MAX: variants seen among roughly 807,000 people sequenced by gnomAD.
MAX encodes protein max.
Under a neutral mutation model 22.3 loss-of-function variants are expected in MAX, and 3 were observed. The observed-to-expected ratio is 0.13, with a 90% CI of 0.06 to 0.35. The LOEUF (loss-of-function observed/expected upper bound fraction) is 0.35, where lower values mean the gene tolerates loss of function less well. MAX is among the 10% of genes least tolerant of loss of function. The pLI is 1.00. For missense variants in MAX, 119 were observed against 209.4 expected (o/e 0.57, Z 2.66); for synonymous variants, 72 against 77.7 (o/e 0.93, Z 0.39).
chr14:65,052,480 A>G (rs1318655864), intron 3 of MAX, among the ~76,000 whole-genome samples: 1 of 152,212 alleles, frequency 6.6e-6, no homozygotes, highest in Non-Finnish European at 1.5e-5. Flanking sequence ...ATATATTTTT[A>G]ATCGATTTCT....
At chr14:65,046,067 C>A (rs895252937) in intron 3 of MAX, among the ~76,000 whole-genome samples, 2 of 152,154 alleles carry the variant, frequency 1.3e-5, no homozygotes, top group African/African-American at 2.4e-5. Flanking sequence ...ACCTCTGCCC[C>A]CTGGGTTCAA....
intron 3 of MAX, chr14:65,061,426 G>A (rs1595113538): frequency 2.1e-6 from 3 of 1,462,352 alleles, no homozygotes; most frequent in Non-Finnish European, 2.7e-6. Flanking sequence ...CAGTGGAGCT[G>A]TGGTTCTCTT....
intron 3 of MAX, among the ~76,000 whole-genome samples, chr14:65,089,541 A>G (rs2063437790): frequency 6.6e-6 from 1 of 152,018 alleles, no homozygotes; most frequent in Middle Eastern, 3.4e-3. Context: ...CATCCATGAT[A>G]AAGAGACAGT....
At position 65,076,834 on chromosome 14, in the gene MAX, T is replaced by G; in HGVS notation, c.296-171A>C. On this transcript the variant is annotated intron_variant, in intron 4 of 4. Transcript: ENST00000358664. This position sits in a 1 kb window ranked among gnomAD's most constrained non-coding sequence, Gnocchi z 6.6. ...GTGGCTGTTCACTCACACACTTCAT[T>G]TCCCTCCCGCCTTTCCCAGCTGGAC... 1 of 717,770 alleles carries G rather than the reference T, an allele frequency of 1.4e-6. No individual in the cohort carries two copies. The highest frequency in any genetic ancestry group is 2.5e-6 in the Non-Finnish European group (1 of 404,896). 44.5% of individuals were successfully genotyped at this position (717,770 alleles called of 1,614,324 possible).
chr14:65,072,951 C>A (rs181603735), downstream of MAX, among the ~76,000 whole-genome samples: 3 of 152,296 alleles, frequency 2.0e-5, no homozygotes, highest in African/African-American at 4.8e-5. Context: ...TTGTGATATA[C>A]CAAGAAGTCA....
At chr14:65,061,118 G>A (rs1246650753) in intron 3 of MAX, 1 of 1,593,292 alleles carries the variant, frequency 6.3e-7, no homozygotes, top group African/African-American at 1.3e-5. Context: ...ATGGAGCAAA[G>A]GATGTGTTAT....
At position 65,012,059 on chromosome 14, in the gene MAX, C is replaced by T. The variant is rs77280561; in HGVS notation, c.172-5775G>A. On this transcript the variant is annotated intron_variant, in intron 3 of 3. Transcript: ENST00000341653. This position sits in a 1 kb window ranked among gnomAD's most constrained non-coding sequence, Gnocchi z 5.0. ...TGCGGCTTTTCCGTTAGCCCAAAGT[C>T]ACTGCCTTTAGGAGACAATCGCACT... 1 of 409,032 alleles carries T rather than the reference C, an allele frequency of 2.4e-6. No individual in the cohort carries two copies. Among genetic ancestry groups the T allele is most frequent in the Non-Finnish European group, 4.6e-6 (1 of 218,182 alleles). The allele number at this position is 409,032 out of a possible 1,614,324, so 25.3% of individuals were successfully genotyped here.
intron 1 of MAX, 118 bp from the exon 2 acceptor site, chr14:65,101,690 G>T: frequency 2.6e-6 from 2 of 771,358 alleles, no homozygotes. Context: ...GAGTCAGCCC[G>T]ACACCCCTTC....
intron 3 of MAX, among the ~76,000 whole-genome samples, chr14:65,019,411 C>T (rs1214760250): frequency 2.0e-5 from 3 of 151,396 alleles, no homozygotes; most frequent in Admixed American, 6.6e-5. Context: ...TGCTTGAATC[C>T]GGGAGGCAGA....
intron 2 of MAX, among the ~76,000 whole-genome samples, chr14:65,099,910 A>C (rs2063783591): frequency 6.6e-6 from 1 of 152,194 alleles, no homozygotes; most frequent in South Asian, 2.1e-4. Flanking sequence ...TGGAAATATC[A>C]GCTCTCAATA....
chr14:65,100,283 C>T (rs1423755983), intron 2 of MAX, among the ~76,000 whole-genome samples: 1 of 151,994 alleles, frequency 6.6e-6, no homozygotes, highest in Non-Finnish European at 1.5e-5. Context: ...AACCCCGTCT[C>T]TACTAAAAAT....
chr14:65,035,063 T>G (rs2062158558), intron 3 of MAX, among the ~76,000 whole-genome samples: 1 of 152,212 alleles, frequency 6.6e-6, no homozygotes, highest in South Asian at 2.1e-4. Flanking sequence ...TTGAACTGAG[T>G]TTAAATGCAG....
chr14:65,076,952 TG>T lies in MAX; in HGVS notation c.296-290del, dbSNP rs2063075102. Reference sequence around the variant, plus strand: ...TGCCGTGGAAGCCCCGTGGAGAGACTGGAGCGTGAGCTCCCTGTGGGATTCA... The same window carrying T: ...TGCCGTGGAAGCCCCGTGGAGAGACTGAGCGTGAGCTCCCTGTGGGATTCA... On this transcript the variant is annotated intron_variant, in intron 4 of 4. Coordinates refer to ENST00000358664, the MANE Select transcript of MAX (RefSeq NM_002382.5). The surrounding 1 kb of genome is among the most constrained non-coding windows in gnomAD (Gnocchi z 6.6). 8.8e-6 allele frequency: 5 copies of T among 565,730 alleles called. No homozygotes were observed. In the East Asian group the frequency reaches 1.5e-4, roughly 17 times the overall value. The allele number at this position is 565,730 out of a possible 1,614,324, so 35.0% of individuals were successfully genotyped here.
intron 3 of MAX, among the ~76,000 whole-genome samples, chr14:65,089,156 T>C (rs1730725267): frequency 6.6e-6 from 1 of 152,148 alleles, no homozygotes; most frequent in African/African-American, 2.4e-5. Flanking sequence ...GTTGAGCACA[T>C]AATATTGACT....
chr14:65,019,402 G>A (rs1410882503), intron 3 of MAX, among the ~76,000 whole-genome samples: 1 of 151,780 alleles, frequency 6.6e-6, no homozygotes, highest in Non-Finnish European at 1.5e-5. Context: ...CAGGAGAATT[G>A]CTTGAATCCG....
Position 65,075,295 on chromosome 14 carries a change from G to A in MAX, c.*1181C>T, listed in dbSNP as rs775846863. 7.5e-6 allele frequency: 8 copies of A among 1,061,416 alleles called. No individual in the cohort carries two copies. Among genetic ancestry groups the A allele is most frequent in the South Asian group, 4.6e-5 (1 of 21,944 alleles). The allele number at this position is 1,061,416 out of a possible 1,614,324, so 65.7% of individuals were successfully genotyped here. On this transcript the variant is annotated 3_prime_UTR_variant, in exon 5 of 5. Transcript: ENST00000358664. The surrounding 1 kb of genome is among the most constrained non-coding windows in gnomAD (Gnocchi z 4.1). The stretch of plus-strand genomic sequence containing the variant: ...CTAGAAATCAGCAAATGCCAGGAAC[G>A]GAGTAGGAAAAAGACAAAGAAATGA...
In MAX at chr14:65,037,600, A is replaced by G. The variant is rs1453629691; in HGVS notation, c.172-31316T>C. Among the ~76,000 whole-genome samples, 9 of 147,946 alleles carry G rather than the reference A, an allele frequency of 6.1e-5. 2 individuals carry two copies. In the South Asian group the frequency reaches 1.9e-3, roughly 32 times the overall value. On this transcript the variant is annotated intron_variant, in intron 3 of 3. Coordinates refer to the MAX transcript ENST00000341653. Reference sequence around the variant, plus strand: ...CATCCACCATCCGCTAATTTTTTAAATTTTTGTAGAGACAAAGCCTCACCA... The same window carrying G: ...CATCCACCATCCGCTAATTTTTTAAGTTTTTGTAGAGACAAAGCCTCACCA...
intron 2 of MAX, among the ~76,000 whole-genome samples, chr14:65,098,283 A>C (rs1340840267): frequency 2.0e-5 from 3 of 152,192 alleles, no homozygotes; most frequent in African/African-American, 7.2e-5. Flanking sequence ...ACTGCAGGTA[A>C]AACAGACAGT....
Position 65,075,472 on chromosome 14 carries a change from G to A in MAX, c.*1004C>T. ...GCACTGGGGTGCGGGTTTAGTACCA[G>A]GTAAATTGCTCTTGGTATTTACATA... On this transcript the variant is annotated 3_prime_UTR_variant, in exon 5 of 5. Coordinates refer to ENST00000358664, the MANE Select transcript of MAX (RefSeq NM_002382.5). This position sits in a 1 kb window ranked among gnomAD's most constrained non-coding sequence, Gnocchi z 4.1. 1.9e-6 allele frequency: 2 copies of A among 1,064,268 alleles called. No individual in the cohort carries two copies. The highest frequency in any genetic ancestry group is 2.3e-6 in the Non-Finnish European group (2 of 878,418). 65.9% of individuals were successfully genotyped at this position (1,064,268 alleles called of 1,614,324 possible).
Sources: gnomAD v4.1 joint callset for allele counts (sites outside exome capture counted in the v4.1 genomes callset) on GRCh38, gnomAD v4.1.1 for gene constraint, Gnocchi (gnomAD v3.1) non-coding constraint, MANE v1.5 for transcripts, NCBI Gene and HGNC (gene_info 2026-07-23, HGNC 2026-07-21) for gene names.